The following SNX1 variants were observed in gnomAD, a reference collection of about 807,000 sequenced individuals.
SNX1 encodes sorting nexin-1.
Under a neutral mutation model 71.8 loss-of-function variants are expected in SNX1, and 36 were observed. That is an observed-to-expected ratio of 0.50 (90% CI 0.38 to 0.66). SNX1 has a LOEUF of 0.66. SNX1 is among the 30% of genes least tolerant of loss of function. SNX1 has a pLI of 0.00. For missense variants in SNX1, 612 were observed against 646.7 expected, an observed-to-expected ratio of 0.95 and a Z score of 0.58; for synonymous variants, 254 against 240.7, an observed-to-expected ratio of 1.06 and a Z score of -0.51.
At chr15:64,133,322 T>A (rs1261821929) in intron 11 of SNX1, among the ~76,000 whole-genome samples, 1 of 152,332 alleles carries the variant, frequency 6.6e-6, no homozygotes, top group East Asian at 1.9e-4. Flanking sequence ...CATTGAGGTG[T>A]TAAGATGCTG....
At chr15:64,126,243 C>T (rs1000221412) in intron 6 of SNX1, 23 bp downstream of exon 6, 1 of 1,606,026 alleles carries the variant, frequency 6.2e-7, no homozygotes, top group African/African-American at 1.3e-5. Flanking sequence ...TCTTTCATTC[C>T]ACTTGGATTG....
At chr15:64,099,237 C>G (rs1402206872) in intron 1 of SNX1, among the ~76,000 whole-genome samples, 1 of 152,146 alleles carries the variant, frequency 6.6e-6, no homozygotes, top group East Asian at 1.9e-4. Flanking sequence ...TCTACAGTTT[C>G]CTCACGTGTA....
At chr15:64,126,726 C>A (rs534519144) in intron 6 of SNX1, among the ~76,000 whole-genome samples, 63 of 152,214 alleles carry the variant, frequency 4.1e-4, no homozygotes, top group African/African-American at 1.5e-3. Flanking sequence ...ACTACAGGTG[C>A]CCGCCACCAT....
chr15:64,108,412 G>A (rs1030250751), intron 1 of SNX1, among the ~76,000 whole-genome samples: 2 of 152,020 alleles, frequency 1.3e-5, no homozygotes, highest in Admixed American at 1.3e-4. Flanking sequence ...GTGTTATAAT[G>A]TCCAGGTGGC....
In SNX1 at chr15:64,138,149, C is replaced by T; in HGVS notation, c.*531C>T. On this transcript the variant is annotated 3_prime_UTR_variant, in exon 15 of 15. Coordinates refer to ENST00000559844, the MANE Select transcript of SNX1 (RefSeq NM_003099.5). ...ACAAGTTTTGTGCTGCTGCTTCCCT[C>T]TGGAAATGGGGTTTCTTTCTCTCCG... 6.5e-7 allele frequency: 1 copy of T among 1,535,668 alleles called. No homozygotes were observed. Among genetic ancestry groups the T allele is most frequent in the Non-Finnish European group, 8.7e-7 (1 of 1,146,890 alleles).
rs2081401722 is a variant in SNX1, at chr15:64,140,457, G to C, written c.*2839G>C. ...TGTTTTGAGTACTTTCTTACCTTCT[G>C]GCATAACAAGATGTTCCAGGCTCAT... On this transcript the variant is annotated 3_prime_UTR_variant, in exon 15 of 15. Coordinates refer to ENST00000559844, the MANE Select transcript of SNX1 (RefSeq NM_003099.5). The C allele has an allele frequency of 6.6e-6, 1 of 152,172 alleles. No homozygotes were observed. Among genetic ancestry groups the C allele is most frequent in the South Asian group, 2.1e-4 (1 of 4,824 alleles). The allele number at this position is 152,172 out of a possible 1,614,324, so 9.4% of individuals were successfully genotyped here. A position where few individuals can be genotyped will look rare whatever the true frequency, so the allele number is the denominator to read the frequency against.
rs2081409670 is a variant in SNX1 at position 64,141,034 on chromosome 15, ATAGATAGATAGATAGATTGATT to A, written c.*3417_*3438del. The A allele has an allele frequency of 9.3e-5, 11 of 117,798 alleles. No individual in the cohort carries two copies. The highest frequency in any genetic ancestry group is 4.2e-4 in the African/African-American group (11 of 26,322). 7.3% of individuals were successfully genotyped at this position (117,798 alleles called of 1,614,324 possible). A position where few individuals can be genotyped will look rare whatever the true frequency, so the allele number is the denominator to read the frequency against. ...ATAGATAGATAGATAGATGATAGAT[ATAGATAGATAGATAGATTGATT>A]GATTTGTAGAAACAAGATAGGTTAG... On this transcript the variant is annotated 3_prime_UTR_variant, in exon 15 of 15. Coordinates refer to ENST00000559844, the MANE Select transcript of SNX1 (RefSeq NM_003099.5). The surrounding 1 kb of genome is among the most constrained non-coding windows in gnomAD (Gnocchi z 5.1).
intron 1 of SNX1, among the ~76,000 whole-genome samples, chr15:64,097,225 T>G (rs2080912407): frequency 2.0e-5 from 3 of 152,244 alleles, no homozygotes; most frequent in African/African-American, 7.2e-5. Context: ...TCCCTTTCCA[T>G]GTGAGACGTG....
intron 1 of SNX1, among the ~76,000 whole-genome samples, chr15:64,108,093 T>G (rs568882753): frequency 6.6e-6 from 1 of 151,412 alleles, no homozygotes; most frequent in African/African-American, 2.4e-5. Context: ...CTTGGGAGGC[T>G]GAGGCAGGAG....
rs1222172307 is a variant in SNX1, at chr15:64,134,965, G to A, written c.1365+158G>A. 6 of 859,986 alleles carry A rather than the reference G, an allele frequency of 7.0e-6. No individual in the cohort carries two copies. The highest frequency in any genetic ancestry group is 1.0e-5 in the Non-Finnish European group (6 of 572,046). The allele number at this position is 859,986 out of a possible 1,614,324, so 53.3% of individuals were successfully genotyped here. A position where few individuals can be genotyped will look rare whatever the true frequency, so the allele number is the denominator to read the frequency against. On this transcript the variant is annotated intron_variant, in intron 12 of 14. Transcript: ENST00000559844. This position sits in a 1 kb window ranked among gnomAD's most constrained non-coding sequence, Gnocchi z 4.1. ...AGGAAGCCTCTGAGAATGACTCCAG[G>A]CCTTCCTGAGGCCTAGTCCCCCTGT...
chr15:64,110,967 T>C (rs1189772266), intron 1 of SNX1, among the ~76,000 whole-genome samples: 1 of 152,198 alleles, frequency 6.6e-6, no homozygotes, highest in East Asian at 1.9e-4. Flanking sequence ...ACCTATGCCT[T>C]TTCTGTTGTT....
At chr15:64,114,406 G>A (rs1454539626) in intron 2 of SNX1, among the ~76,000 whole-genome samples, 1 of 152,210 alleles carries the variant, frequency 6.6e-6, no homozygotes, top group Non-Finnish European at 1.5e-5. Context: ...TCAAGTCCAA[G>A]GGTTGAGAAG....
intron 2 of SNX1, 97 bp downstream of exon 2, chr15:64,112,781 A>G: frequency 2.9e-6 from 2 of 686,158 alleles, no homozygotes; most frequent in Non-Finnish European, 4.9e-6. Context: ...AAGTATTGGG[A>G]ACATAACTTT....
Position 64,112,556 on chromosome 15 carries a change from T to A in SNX1, c.160-17T>A. On this transcript the variant is annotated splice_polypyrimidine_tract_variant and intron_variant, in intron 1 of 14. Coordinates refer to ENST00000559844, the MANE Select transcript of SNX1 (RefSeq NM_003099.5). Reference sequence around the variant, plus strand: ...TTTCATGGTAATGTTTTATTCAGAGTATCTCTTTGTTTTCAGAGTAAACAT... The same window carrying A: ...TTTCATGGTAATGTTTTATTCAGAGAATCTCTTTGTTTTCAGAGTAAACAT... 6.5e-7 allele frequency: 1 copy of A among 1,538,990 alleles called. No individual in the cohort carries two copies. The highest frequency in any genetic ancestry group is 8.9e-7 in the Non-Finnish European group (1 of 1,120,196).
rs553186685 is a variant in SNX1, at chr15:64,134,218, G to A, written c.1222-446G>A. On this transcript the variant is annotated intron_variant, in intron 11 of 14. Coordinates refer to ENST00000559844, the MANE Select transcript of SNX1 (RefSeq NM_003099.5). This position sits in a 1 kb window ranked among gnomAD's most constrained non-coding sequence, Gnocchi z 4.1. ...TGCATACTTGTATCTATTTGTAATT[G>A]TAAATGTAATGTTGGCCTTTTCCAT... 2 of 154,636 alleles carry A rather than the reference G, an allele frequency of 1.3e-5. No individual in the cohort carries two copies. The highest frequency in any genetic ancestry group is 2.0e-4 in the South Asian group (1 of 4,952). The allele number at this position is 154,636 out of a possible 1,614,324, so 9.6% of individuals were successfully genotyped here.
In SNX1 at chr15:64,107,431, G is replaced by A. The variant is rs535351446; in HGVS notation, c.160-5142G>A. ...AGTGCTTAAAGTAGTGAATGGCTTC[G>A]TCAGCTCTGAGGGGCAGCAAGCCTG... On this transcript the variant is annotated intron_variant, in intron 1 of 14. Coordinates refer to ENST00000559844, the MANE Select transcript of SNX1 (RefSeq NM_003099.5). 2.6e-5 allele frequency among the ~76,000 whole-genome samples: 4 copies of A among 152,312 alleles called. No individual in the cohort carries two copies. In the South Asian group the frequency reaches 8.3e-4, roughly 32 times the overall value.
At chr15:64,099,023 T>C (rs2080931141) in intron 1 of SNX1, among the ~76,000 whole-genome samples, 1 of 152,228 alleles carries the variant, frequency 6.6e-6, no homozygotes, top group African/African-American at 2.4e-5. Flanking sequence ...TTTAACTGTC[T>C]TGTTAAACAG....
In SNX1 at chr15:64,118,069, C is replaced by T. The variant is rs536705390; in HGVS notation, c.272-48C>T. 102 of 1,595,558 alleles carry T rather than the reference C, an allele frequency of 6.4e-5. 1 individual carries two copies. In the East Asian group the frequency reaches 1.5e-3, roughly 23 times the overall value. On this transcript the variant is annotated intron_variant, in intron 2 of 14. Coordinates refer to ENST00000559844, the MANE Select transcript of SNX1 (RefSeq NM_003099.5). Reference sequence around the variant, plus strand: ...TCTTAGCCTATACAAGTTTAGCCTTCAAAGACTCATTACTGACCTTCATTT... The same window carrying T: ...TCTTAGCCTATACAAGTTTAGCCTTTAAAGACTCATTACTGACCTTCATTT...
chr15:64,131,786 A>T lies in SNX1; in HGVS notation c.1115A>T (p.Glu372Val). ...TCACGGGCACTCTCCCAGCTGGCTG[A>T]GGTGGAAGAAAAAATTGAGCAGCTC... ...ALSRALSQLA[E>V]VEEKIEQLHQ... Residue 372 changes from glutamate to valine, a missense_variant, in exon 11 of 15, where the codon GAG becomes GTG. Transcript: ENST00000559844. 1 of 1,614,232 alleles carries T rather than the reference A, an allele frequency of 6.2e-7. No individual in the cohort carries two copies. The highest frequency in any genetic ancestry group is 8.5e-7 in the Non-Finnish European group (1 of 1,180,040).
Sources: allele counts gnomAD v4.1 joint callset (sites outside exome capture counted in the v4.1 genomes callset), GRCh38; gene constraint gnomAD v4.1.1; non-coding constraint Gnocchi (gnomAD v3.1); transcripts MANE v1.5; gene names NCBI Gene and HGNC (gene_info 2026-07-23, HGNC 2026-07-21).